Variants in ARFGEF3 observed in about 807,000 individuals in gnomAD.
ARFGEF3 encodes the protein ARFGEF family member 3, also known as brefeldin A-inhibited guanine nucleotide-exchange protein 3.
A neutral mutation model predicts 221.7 loss-of-function variants in ARFGEF3; 96 were observed. That is an observed-to-expected ratio of 0.43 (90% CI 0.37 to 0.51). The LOEUF (loss-of-function observed/expected upper bound fraction) is 0.51. ARFGEF3 is among the 20% of genes least tolerant of loss of function. ARFGEF3 has a pLI of 0.00. For missense variants in ARFGEF3, 2,410 were observed against 2,789.9 expected (o/e 0.86, Z 3.07); for synonymous variants, 1,145 against 1,126.8 (o/e 1.02, Z -0.32).
chr6:138,208,603 C>T (rs1276936010), intron 3 of ARFGEF3, among the ~76,000 whole-genome samples: 2 of 152,038 alleles, frequency 1.3e-5, no homozygotes, highest in Non-Finnish European at 2.9e-5. Context: ...ATACTGGGGT[C>T]TCAAAAATCA....
chr6:138,217,681 G>T (rs571444916), intron 4 of ARFGEF3: 9 of 265,042 alleles, frequency 3.4e-5, no homozygotes, highest in African/African-American at 1.6e-4. Flanking sequence ...CTAATTGCTC[G>T]TTAGTTTAGT....
At chr6:138,301,324 G>T (rs1779625535) in intron 22 of ARFGEF3, among the ~76,000 whole-genome samples, 1 of 152,208 alleles carries the variant, frequency 6.6e-6, no homozygotes, top group Non-Finnish European at 1.5e-5. Flanking sequence ...GTTAAGAATA[G>T]TGGGAGTCTG....
chr6:138,232,563 T>C (rs536681055), intron 5 of ARFGEF3, among the ~76,000 whole-genome samples: 87 of 152,336 alleles, frequency 5.7e-4, no homozygotes, highest in South Asian at 4.4e-3. Context: ...TATTGACTTA[T>C]GGAAACTTCC....
In ARFGEF3 at chr6:138,334,266, A is replaced by G. The variant is rs777857175; in HGVS notation, c.5420A>G (p.Tyr1807Cys). 6.2e-6 allele frequency: 10 copies of G among 1,613,342 alleles called. No homozygotes were observed. The Admixed American group carries it at 1.0e-4, about 16-fold the overall frequency. ...GGCATCGGGGGCGCCGCCAACCTCT[A>G]CCGCCAGTCTGCGATGAGCTTTAAC... ...VSGIGGAANL[Y>C]RQSAMSFNIY... The change falls in exon 33 of 34, where the codon TAC (tyrosine) becomes TGC (cysteine). Residue 1807 changes from tyrosine to cysteine, a missense_variant. Transcript: ENST00000251691. The surrounding 1 kb of genome is among the most constrained non-coding windows in gnomAD (Gnocchi z 5.1).
chr6:138,338,585 C>T lies in ARFGEF3; in HGVS notation c.*2099C>T, dbSNP rs1138275. Reference sequence around the variant, plus strand: ...GAGGCCAAGGTGGGCAGATAACCTGCGGTCAGGAGTTTGAGACCAGGCTGG... The same window carrying T: ...GAGGCCAAGGTGGGCAGATAACCTGTGGTCAGGAGTTTGAGACCAGGCTGG... On this transcript the variant is annotated 3_prime_UTR_variant, in exon 34 of 34. Coordinates refer to ENST00000251691, the MANE Select transcript of ARFGEF3 (RefSeq NM_020340.5). The T allele has an allele frequency of 0.026, 3,906 of 152,214 alleles. 78 individuals carry two copies. The highest frequency in any genetic ancestry group is 0.043 in the South Asian group (207 of 4,820). 9.4% of individuals were successfully genotyped at this position (152,214 alleles called of 1,614,324 possible).
intron 12 of ARFGEF3, among the ~76,000 whole-genome samples, chr6:138,278,023 G>A (rs1583045495): frequency 6.6e-6 from 1 of 152,214 alleles, no homozygotes. Flanking sequence ...TGGTGTGGCT[G>A]AGGGACAGCA....
rs187194440 is a variant in ARFGEF3, at chr6:138,171,551, A to G, written c.137+838A>G. Among the ~76,000 whole-genome samples, 8 of 152,260 alleles carry G rather than the reference A, an allele frequency of 5.3e-5. No homozygotes were observed. In the East Asian group the frequency reaches 7.7e-4, roughly 15 times the overall value. On this transcript the variant is annotated intron_variant, in intron 2 of 33. Transcript: ENST00000251691. Reference sequence around the variant, plus strand: ...TTCCCCACCTTCTTCCCCTCCCACTATAACTTCCCCCAACCCTCACTGGGA... The same window carrying G: ...TTCCCCACCTTCTTCCCCTCCCACTGTAACTTCCCCCAACCCTCACTGGGA...
chr6:138,308,668 A>G lies in ARFGEF3; in HGVS notation c.3974-71A>G. On this transcript the variant is annotated intron_variant, in intron 23 of 33. Coordinates refer to ENST00000251691, the MANE Select transcript of ARFGEF3 (RefSeq NM_020340.5). ...TCTGTCTCAGTGGAACGTGCTGGGA[A>G]TATGGGCAACCCTGGCAAACCCGAG... The G allele has an allele frequency of 5.2e-6, 8 of 1,545,444 alleles. No homozygotes were observed. The South Asian group carries it at 9.1e-5, about 18-fold the overall frequency.
At chr6:138,168,704 A>T (rs1290056382) in intron 1 of ARFGEF3, among the ~76,000 whole-genome samples, 1 of 152,182 alleles carries the variant, frequency 6.6e-6, no homozygotes, top group African/African-American at 2.4e-5. Context: ...TTTCAAACTT[A>T]TTATTCCCTC....
At chr6:138,325,561 A>G (rs1378026257) in intron 31 of ARFGEF3, among the ~76,000 whole-genome samples, 1 of 152,264 alleles carries the variant, frequency 6.6e-6, no homozygotes, top group Admixed American at 6.5e-5. Flanking sequence ...CACTTCTAGC[A>G]GCATGGCAGT....
intron 12 of ARFGEF3, among the ~76,000 whole-genome samples, chr6:138,275,505 C>T (rs1261812268): frequency 2.0e-5 from 3 of 152,030 alleles, no homozygotes; most frequent in East Asian, 1.9e-4. Context: ...AATCCCAGCA[C>T]TTTGGGAGGC....
chr6:138,207,156 G>C (rs1777639574), intron 3 of ARFGEF3, 33 bp downstream of exon 3: 1 of 1,551,324 alleles, frequency 6.4e-7, no homozygotes, highest in South Asian at 1.2e-5. Context: ...TGGGATGATA[G>C]AAATTGACAG....
chr6:138,284,873 A>C (rs1443912805), intron 14 of ARFGEF3, among the ~76,000 whole-genome samples: 1 of 152,232 alleles, frequency 6.6e-6, no homozygotes, highest in Non-Finnish European at 1.5e-5. Context: ...TAGATGGTAT[A>C]GCCTATTGCT....
intron 2 of ARFGEF3, among the ~76,000 whole-genome samples, chr6:138,187,471 G>C (rs956543280): frequency 5.9e-5 from 9 of 152,190 alleles, no homozygotes; most frequent in Non-Finnish European, 1.3e-4. Context: ...TGGGCTTTCA[G>C]GTGGGTAGGC....
At chr6:138,180,425 T>G (rs1777056019) in intron 2 of ARFGEF3, among the ~76,000 whole-genome samples, 1 of 152,216 alleles carries the variant, frequency 6.6e-6, no homozygotes, top group Non-Finnish European at 1.5e-5. Flanking sequence ...CTAGGTAGAT[T>G]ACAAACATCT....
At position 138,322,664 on chromosome 6, in the gene ARFGEF3, G is replaced by A. The variant is rs9385831; in HGVS notation, c.4767-1007G>A. ...ACAAAAATTAGCCGGGTGTGGTGGC[G>A]GGCGCCTGTAGTCCCAGCTACTCAG... On this transcript the variant is annotated intron_variant, in intron 29 of 33. Coordinates refer to ENST00000251691, the MANE Select transcript of ARFGEF3 (RefSeq NM_020340.5). Among the ~76,000 whole-genome samples the A allele has an allele frequency of 4.1e-3, 623 of 151,860 alleles. 17 individuals are homozygous for A. In the East Asian group the frequency reaches 0.072, roughly 17 times the overall value.
chr6:138,285,374 C>T (rs1779267763), intron 14 of ARFGEF3, among the ~76,000 whole-genome samples: 1 of 151,498 alleles, frequency 6.6e-6, no homozygotes. Context: ...TGGCGTGAAC[C>T]CAGGAGGCGG....
chr6:138,344,019 G>A lies in ARFGEF3; in HGVS notation c.*7533G>A, dbSNP rs1780473484. 6.6e-6 allele frequency: 1 copy of A among 152,144 alleles called. No individual in the cohort carries two copies. The highest frequency in any genetic ancestry group is 1.5e-5 in the Non-Finnish European group (1 of 68,024). 9.4% of individuals were successfully genotyped at this position (152,144 alleles called of 1,614,324 possible). A position where few individuals can be genotyped will look rare whatever the true frequency, so the allele number is the denominator to read the frequency against. On this transcript the variant is annotated 3_prime_UTR_variant, in exon 34 of 34. Coordinates refer to ENST00000251691, the MANE Select transcript of ARFGEF3 (RefSeq NM_020340.5). The stretch of plus-strand genomic sequence containing the variant: ...ATAAGATGTTTATTGCCCTAATCAT[G>A]CTAAGAGACTATTATTCAATATGCT...
chr6:138,258,973 G>A (rs2076267), intron 10 of ARFGEF3, among the ~76,000 whole-genome samples: 14,101 of 152,182 alleles, frequency 0.093, 913 homozygotes, highest in East Asian at 0.36. Context: ...AGTTAGTTAT[G>A]TTTATCTGTT....
Sources: allele counts gnomAD v4.1 joint callset (sites outside exome capture counted in the v4.1 genomes callset), GRCh38; gene constraint gnomAD v4.1.1; non-coding constraint Gnocchi (gnomAD v3.1); transcripts MANE v1.5; gene names NCBI Gene and HGNC (gene_info 2026-07-23, HGNC 2026-07-21).